Variants in BMS1 observed in about 807,000 individuals in gnomAD.
The protein encoded by BMS1 is BMS1 ribosome biogenesis factor.
In BMS1, 53 loss-of-function variants were observed where a neutral mutation model predicts 138.7. That is an observed-to-expected ratio of 0.38 (90% confidence interval 0.31 to 0.48). The LOEUF (loss-of-function observed/expected upper bound fraction) is 0.48. BMS1 is among the 20% of genes least tolerant of loss of function. The pLI is 0.97. For missense variants in BMS1, 1,360 were observed against 1,565.5 expected (o/e 0.87, Z 2.22); for synonymous variants, 504 against 539.9 (o/e 0.93, Z 0.92).
At chr10:42,806,738 A>G (rs896961585) in intron 13 of BMS1, among the ~76,000 whole-genome samples, 2 of 64,340 alleles carry the variant, frequency 3.1e-5, no homozygotes, top group Non-Finnish European at 5.2e-5. Flanking sequence ...CCGTCTCAGG[A>G]AAAAAAAAAA....
Position 42,789,117 on chromosome 10 carries a change from G to C in BMS1, c.448-1206G>C, listed in dbSNP as rs367790335. 2.0e-5 allele frequency among the ~76,000 whole-genome samples: 3 copies of C among 152,012 alleles called. 1 individual carries two copies. The highest frequency in any genetic ancestry group is 7.2e-5 in the African/African-American group (3 of 41,442). The stretch of plus-strand genomic sequence containing the variant: ...GGTGTGTACAGGCGTGTGTAGATTA[G>C]GGGAATAACACTGGCTTAGATGACA... On this transcript the variant is annotated intron_variant, in intron 4 of 22. Transcript: ENST00000374518.
chr10:42,799,438 A>G (rs1773098034), intron 12 of BMS1, among the ~76,000 whole-genome samples: 1 of 151,988 alleles, frequency 6.6e-6, no homozygotes, highest in South Asian at 2.1e-4. Flanking sequence ...GAATGTTCTG[A>G]TTTTCCAAAG....
Position 42,831,684 on chromosome 10 carries a change from G to T in BMS1, c.*588G>T, listed in dbSNP as rs1267951386. ...GGACATTTTCTATCTTATTTCATAT[G>T]TTCTGCACATTAGTATAGTGACAAG... On this transcript the variant is annotated 3_prime_UTR_variant, in exon 23 of 23. Coordinates refer to ENST00000374518, the MANE Select transcript of BMS1 (RefSeq NM_014753.4). 1.3e-5 allele frequency: 2 copies of T among 154,256 alleles called. No individual in the cohort carries two copies. The highest frequency in any genetic ancestry group is 2.4e-5 in the African/African-American group (1 of 41,426). 9.6% of individuals were successfully genotyped at this position (154,256 alleles called of 1,614,324 possible). A position where few individuals can be genotyped will look rare whatever the true frequency, so the allele number is the denominator to read the frequency against.
intron 13 of BMS1, among the ~76,000 whole-genome samples, chr10:42,805,772 T>G (rs748994641): frequency 2.6e-5 from 4 of 152,124 alleles, no homozygotes; most frequent in Admixed American, 6.5e-5. Flanking sequence ...TTTTAATTGA[T>G]CTTATATCCT....
Position 42,787,151 on chromosome 10 carries a change from C to T in BMS1, c.368-17C>T. On this transcript the variant is annotated splice_polypyrimidine_tract_variant and intron_variant, in intron 3 of 22. Coordinates refer to ENST00000374518, the MANE Select transcript of BMS1 (RefSeq NM_014753.4). ...CAGGGTCTTTTTAAAGTAAAATTTTCATCTTTTCACTTATAGGTAAAAAGC... is the reference window on the plus strand; with the variant it reads ...CAGGGTCTTTTTAAAGTAAAATTTTTATCTTTTCACTTATAGGTAAAAAGC... 1.1e-6 allele frequency: 1 copy of T among 884,480 alleles called. No individual in the cohort carries two copies. Among genetic ancestry groups the T allele is most frequent in the East Asian group, 2.4e-5 (1 of 41,470 alleles). The allele number at this position is 884,480 out of a possible 1,614,324, so 54.8% of individuals were successfully genotyped here.
At chr10:42,807,962 CTG>C (rs1360159718) in intron 13 of BMS1, among the ~76,000 whole-genome samples, 21 of 152,134 alleles carry the variant, frequency 1.4e-4, no homozygotes, top group Admixed American at 6.5e-5. Context: ...GGTGTTCTCA[CTG>C]TTGTTTATTC....
intron 21 of BMS1, among the ~76,000 whole-genome samples, chr10:42,826,487 G>A (rs1171694550): frequency 6.6e-6 from 1 of 152,172 alleles, no homozygotes; most frequent in African/African-American, 2.4e-5. Context: ...GCCAGGCGCA[G>A]CATCAGCAAG....
chr10:42,807,567 C>T (rs2132343684), intron 13 of BMS1, among the ~76,000 whole-genome samples: 1 of 152,258 alleles, frequency 6.6e-6, no homozygotes, highest in East Asian at 1.9e-4. Flanking sequence ...ACCTCCTAGG[C>T]TCAAGTGATC....
At position 42,820,612 on chromosome 10, in the gene BMS1, T is replaced by C. The variant is rs764565851; in HGVS notation, c.2874T>C (p.Tyr958=). 1.1e-5 allele frequency: 17 copies of C among 1,611,986 alleles called. No homozygotes were observed. The highest frequency in any genetic ancestry group is 1.4e-5 in the Non-Finnish European group (16 of 1,179,838). ...WRRFQTIPLY[Y]IEDHNGRQRL... ...GGTTTCAGACCATCCCACTGTATTATATCGAAGACCACAATGGAAGACAAA... is the reference window on the plus strand; with the variant it reads ...GGTTTCAGACCATCCCACTGTATTACATCGAAGACCACAATGGAAGACAAA... The change falls in exon 17 of 23, where the codon TAT becomes TAC. Residue 958 remains tyrosine, a synonymous_variant. Coordinates refer to ENST00000374518, the MANE Select transcript of BMS1 (RefSeq NM_014753.4).
intron 13 of BMS1, among the ~76,000 whole-genome samples, chr10:42,813,245 C>T (rs1842242464): frequency 1.3e-5 from 2 of 152,142 alleles, no homozygotes; most frequent in South Asian, 4.1e-4. Flanking sequence ...ATAGGCTCTC[C>T]ATCCATCCGT....
chr10:42,820,771 A>G (rs1842483870), intron 17 of BMS1, 83 bp downstream of exon 17: 1 of 1,519,120 alleles, frequency 6.6e-7, no homozygotes, highest in South Asian at 1.2e-5. Context: ...CTTTTCTTTC[A>G]TAAAATTCCA....
At chr10:42,795,068 C>T (rs1841635186) in intron 9 of BMS1, among the ~76,000 whole-genome samples, 1 of 142,886 alleles carries the variant, frequency 7.0e-6, no homozygotes, top group East Asian at 1.9e-4. Context: ...CCAATTTCAT[C>T]CATGTCCCTA....
intron 13 of BMS1, among the ~76,000 whole-genome samples, chr10:42,812,600 G>A (rs1271874946): frequency 6.6e-6 from 1 of 152,168 alleles, no homozygotes; most frequent in Non-Finnish European, 1.5e-5. Flanking sequence ...GGCTGAACAC[G>A]ACACCTGGCG....
intron 1 of BMS1, among the ~76,000 whole-genome samples, chr10:42,784,087 C>G (rs1841247371): frequency 6.6e-6 from 1 of 152,072 alleles, no homozygotes; most frequent in Admixed American, 6.5e-5. Context: ...ATATTTCTAT[C>G]CTTGCAGAAA....
chr10:42,800,191 A>T (rs1266225477), intron 12 of BMS1, among the ~76,000 whole-genome samples: 1 of 152,210 alleles, frequency 6.6e-6, no homozygotes, highest in African/African-American at 2.4e-5. Context: ...ATTAATTTAA[A>T]TAGTCACATA....
intron 13 of BMS1, among the ~76,000 whole-genome samples, chr10:42,810,707 C>G (rs948488155): frequency 1.3e-5 from 2 of 152,106 alleles, no homozygotes; most frequent in African/African-American, 4.8e-5. Flanking sequence ...TTATCTATTT[C>G]ATCTTGCCTG....
intron 4 of BMS1, among the ~76,000 whole-genome samples, chr10:42,789,218 T>G (rs1252061170): frequency 6.6e-6 from 1 of 152,250 alleles, no homozygotes; most frequent in East Asian, 1.9e-4. Context: ...CCTGGCACTC[T>G]GTGGCATCAA....
At chr10:42,793,338 A>G (rs901062422) in intron 8 of BMS1, among the ~76,000 whole-genome samples, 194 bp downstream of exon 8, 5 of 151,964 alleles carry the variant, frequency 3.3e-5, no homozygotes, top group Non-Finnish European at 7.4e-5. Flanking sequence ...ACCAAGCAGA[A>G]GAGTCCTCTC....
intron 1 of BMS1, among the ~76,000 whole-genome samples, 181 bp downstream of exon 1, chr10:42,783,011 A>C (rs532655376): frequency 6.6e-6 from 1 of 152,172 alleles, no homozygotes; most frequent in African/African-American, 2.4e-5. Context: ...GAGTGACGTG[A>C]TGAATCCCTG....
Sources: allele counts gnomAD v4.1 joint callset (sites outside exome capture counted in the v4.1 genomes callset), GRCh38; gene constraint gnomAD v4.1.1; transcripts MANE v1.5; gene names NCBI Gene and HGNC (gene_info 2026-07-23, HGNC 2026-07-21).